Variants in DLG2 observed in about 807,000 individuals in gnomAD.
DLG2 encodes discs large MAGUK scaffold protein 2, also known as disks large homolog 2.
In DLG2, 45 loss-of-function variants were observed where a neutral mutation model predicts 132.5. The observed-to-expected ratio is 0.34, with a 90% CI of 0.27 to 0.44. DLG2 has a LOEUF of 0.44. DLG2 is among the 20% of genes least tolerant of loss of function. The probability of loss-of-function intolerance (pLI) is 1.00; values close to 1 mark genes in which losing one functional copy is unlikely to be tolerated. For missense variants in DLG2, 1,045 were observed against 1,196.9 expected (o/e 0.87, Z 1.87); for synonymous variants, 424 against 419.6 (o/e 1.01, Z -0.13).
intron 6 of DLG2, among the ~76,000 whole-genome samples, chr11:84,887,580 C>T (rs1238433261): frequency 6.6e-6 from 1 of 152,056 alleles, no homozygotes; most frequent in African/African-American, 2.4e-5. Context: ...TATTTGATGA[C>T]ACATAAACGT....
At chr11:83,591,290 A>C (rs970551344) in intron 19 of DLG2, among the ~76,000 whole-genome samples, 13 of 132,788 alleles carry the variant, frequency 9.8e-5, no homozygotes, top group African/African-American at 3.4e-4. Context: ...AAGCTTATCC[A>C]CTATGATCAA....
At chr11:84,439,779 G>T (rs1210107795) in intron 7 of DLG2, among the ~76,000 whole-genome samples, 1 of 152,136 alleles carries the variant, frequency 6.6e-6, no homozygotes, top group African/African-American at 2.4e-5. Flanking sequence ...TCAACTAAAA[G>T]ACTAAAGTAG....
chr11:83,770,253 G>GTGTTTCTTTT (rs1187226322), intron 18 of DLG2, among the ~76,000 whole-genome samples: 11 of 100,958 alleles, frequency 1.1e-4, no homozygotes, highest in African/African-American at 5.5e-4. Context: ...GTGGTGTCTG[G>GTGTTTCTTTT]TGTTTTTTTT....
chr11:84,403,256 G>C (rs929507192), intron 7 of DLG2, among the ~76,000 whole-genome samples: 1 of 152,144 alleles, frequency 6.6e-6, no homozygotes, highest in Non-Finnish European at 1.5e-5. Context: ...ATGTAGGCAA[G>C]ATATCATGTG....
At chr11:84,502,412 T>TTCTTTCTTTCTC (rs1567807647) in intron 7 of DLG2, among the ~76,000 whole-genome samples, 5 of 115,610 alleles carry the variant, frequency 4.3e-5, no homozygotes, top group East Asian at 4.6e-4. Flanking sequence ...CTTTCTTTCT[T>TTCTTTCTTTCTC]TCTATACAGA....
chr11:83,461,867 T>C, intron 27 of DLG2, 135 bp downstream of exon 27: 2 of 643,740 alleles, frequency 3.1e-6, no homozygotes, highest in East Asian at 2.7e-5. Context: ...ATACTCCTTG[T>C]ATATGAAACA....
intron 4 of DLG2, among the ~76,000 whole-genome samples, chr11:85,235,464 G>T (rs1595593319): frequency 1.3e-5 from 2 of 152,042 alleles, no homozygotes; most frequent in South Asian, 4.1e-4. Flanking sequence ...ATTATAGTAA[G>T]AAAAGTTTAG....
intron 6 of DLG2, among the ~76,000 whole-genome samples, chr11:84,884,358 TC>T (rs2087872702): frequency 6.6e-6 from 1 of 152,004 alleles, no homozygotes; most frequent in African/African-American, 2.4e-5. Flanking sequence ...AACTATGGTC[TC>T]TAAGTAACCA....
At chr11:84,210,675 C>G (rs1315841801) in intron 8 of DLG2, among the ~76,000 whole-genome samples, 1 of 151,938 alleles carries the variant, frequency 6.6e-6, no homozygotes, top group Non-Finnish European at 1.5e-5. Context: ...AATAAAGGAA[C>G]AAGTTCTTGA....
At chr11:83,635,814 T>G (rs1011784065) in intron 18 of DLG2, among the ~76,000 whole-genome samples, 1 of 152,190 alleles carries the variant, frequency 6.6e-6, no homozygotes, top group African/African-American at 2.4e-5. Context: ...TTGTCCAGCT[T>G]TTTGCTATCA....
intron 9 of DLG2, among the ~76,000 whole-genome samples, chr11:84,143,910 A>G (rs1364138179): frequency 6.6e-6 from 1 of 152,174 alleles, no homozygotes; most frequent in East Asian, 1.9e-4. Flanking sequence ...GGGATAAGGT[A>G]CAATGGAGAA....
chr11:84,633,724 T>C (rs932065900), intron 6 of DLG2, among the ~76,000 whole-genome samples: 1 of 152,118 alleles, frequency 6.6e-6, no homozygotes, highest in Non-Finnish European at 1.5e-5. Flanking sequence ...TTGTTATTGA[T>C]GAATGCAGAC....
intron 6 of DLG2, among the ~76,000 whole-genome samples, chr11:84,831,776 C>T (rs1479240480): frequency 1.3e-5 from 2 of 151,550 alleles, no homozygotes; most frequent in Admixed American, 1.3e-4. Flanking sequence ...TCAACTGTTT[C>T]CCCTCACAGA....
At chr11:85,539,393 C>A (rs1307279628) in intron 3 of DLG2, among the ~76,000 whole-genome samples, 1 of 152,114 alleles carries the variant, frequency 6.6e-6, no homozygotes, top group Non-Finnish European at 1.5e-5. Context: ...ATTAATCTTC[C>A]TTTGTCTGTT....
intron 19 of DLG2, among the ~76,000 whole-genome samples, chr11:83,575,702 A>C (rs1415816034): frequency 6.6e-6 from 1 of 152,224 alleles, no homozygotes; most frequent in East Asian, 1.9e-4. Context: ...ATCTTGCTTC[A>C]GTAGTAAAAC....
At chr11:84,897,388 C>G (rs948889) in intron 6 of DLG2, among the ~76,000 whole-genome samples, 105,110 of 151,686 alleles carry the variant, frequency 0.69, 37,981 homozygotes, top group African/African-American at 0.9. Flanking sequence ...AGCAATATAG[C>G]TTAAGCATGT....
At chr11:84,997,811 G>A (rs3907016) in intron 6 of DLG2, 22,871 of 152,046 alleles carry the variant, frequency 0.15, 1,846 homozygotes, top group South Asian at 0.27. Flanking sequence ...CCAATATTAC[G>A]CTACGTGATG....
At chr11:85,591,676 G>A (rs2079352368) in intron 3 of DLG2, among the ~76,000 whole-genome samples, 1 of 152,190 alleles carries the variant, frequency 6.6e-6, no homozygotes, top group Non-Finnish European at 1.5e-5. Context: ...GGGAGGTGGA[G>A]GTTGCAGTGA....
chr11:85,063,024 AC>A (rs2064344795), intron 6 of DLG2, among the ~76,000 whole-genome samples: 1 of 151,868 alleles, frequency 6.6e-6, no homozygotes, highest in African/African-American at 2.4e-5. Context: ...GTGCTAAAGT[AC>A]TAAGACGGTG....
Sources: allele counts gnomAD v4.1 joint callset (sites outside exome capture counted in the v4.1 genomes callset), GRCh38; gene constraint gnomAD v4.1.1; transcripts MANE v1.5; gene names NCBI Gene and HGNC (gene_info 2026-07-23, HGNC 2026-07-21).